Variants in EXT1 observed in about 807,000 individuals in gnomAD.
The protein encoded by EXT1 is exostosin-1.
Under a neutral mutation model 82.5 loss-of-function variants are expected in EXT1, and 20 were observed. The ratio of observed to expected loss-of-function variants is 0.24; its 90% CI spans 0.17 to 0.35. The LOEUF (loss-of-function observed/expected upper bound fraction) is 0.35. EXT1 is among the 10% of genes least tolerant of loss of function. The pLI is 1.00. For synonymous variants in EXT1, 348 were observed against 350.8 expected (o/e 0.99, Z 0.09); for missense variants, 757 against 936.5 (o/e 0.81, Z 2.50).
intron 1 of EXT1, among the ~76,000 whole-genome samples, chr8:118,014,988 A>G (rs1271031125): frequency 6.6e-6 from 1 of 152,246 alleles, no homozygotes; most frequent in Non-Finnish European, 1.5e-5. Context: ...ATTTGTGTCA[A>G]ATTGACATTC....
At chr8:118,056,852 G>A (rs758995032) in intron 1 of EXT1, among the ~76,000 whole-genome samples, 2 of 152,158 alleles carry the variant, frequency 1.3e-5, no homozygotes, top group Non-Finnish European at 1.5e-5. Context: ...GGGAATGAAG[G>A]GCCTGGTGGG....
At chr8:117,977,478 T>G (rs1053311139) in intron 1 of EXT1, among the ~76,000 whole-genome samples, 1 of 151,152 alleles carries the variant, frequency 6.6e-6, no homozygotes, top group African/African-American at 2.4e-5. Flanking sequence ...AAAGTGTTAG[T>G]AGGAAAAGAA....
At chr8:118,020,979 A>G (rs1373616335) in intron 1 of EXT1, among the ~76,000 whole-genome samples, 43 of 152,228 alleles carry the variant, frequency 2.8e-4, no homozygotes, top group Admixed American at 2.8e-3. Flanking sequence ...TAGCTTTTCA[A>G]TGATAAACTG....
At chr8:117,800,275 A>G (rs1164660045) in intron 10 of EXT1, among the ~76,000 whole-genome samples, 1 of 152,216 alleles carries the variant, frequency 6.6e-6, no homozygotes, top group African/African-American at 2.4e-5. Flanking sequence ...TCTGCTTTCA[A>G]AGAGTTTTCT....
chr8:118,058,648 A>G (rs985619406), intron 1 of EXT1, among the ~76,000 whole-genome samples: 1 of 152,202 alleles, frequency 6.6e-6, no homozygotes, highest in African/African-American at 2.4e-5. Context: ...CTTATATAGA[A>G]TACTTTTTCC....
chr8:117,994,479 T>C (rs1324286719), intron 1 of EXT1, among the ~76,000 whole-genome samples: 1 of 152,122 alleles, frequency 6.6e-6, no homozygotes, highest in Non-Finnish European at 1.5e-5. Context: ...GTCATGGTGA[T>C]ACACGTCTGT....
At chr8:118,073,637 G>GAGAA (rs1197827157) in intron 1 of EXT1, among the ~76,000 whole-genome samples, 2 of 30,176 alleles carry the variant, frequency 6.6e-5, no homozygotes, top group Admixed American at 3.8e-4. Flanking sequence ...AGAGAAAGAA[G>GAGAA]AGAAGAGAAG....
At chr8:117,844,808 C>T (rs1267969843) in intron 1 of EXT1, among the ~76,000 whole-genome samples, 2 of 152,096 alleles carry the variant, frequency 1.3e-5, no homozygotes, top group African/African-American at 4.8e-5. Context: ...TTGGCTGCAG[C>T]TTCAGGGATG....
Position 117,900,913 on chromosome 8 carries a change from T to C in EXT1, c.963-63712A>G, listed in dbSNP as rs142918654. Among the ~76,000 whole-genome samples the C allele has an allele frequency of 1.4e-4, 21 of 152,346 alleles. 2 individuals carry two copies. The highest frequency in any genetic ancestry group is 4.6e-4 in the African/African-American group (19 of 41,596). ...CTTTTCCTCAAGTAATCTTGGCACATCTAGGGTTCAAGCACTAAGAGCATT... is the reference window on the plus strand; with the variant it reads ...CTTTTCCTCAAGTAATCTTGGCACACCTAGGGTTCAAGCACTAAGAGCATT... On this transcript the variant is annotated intron_variant, in intron 1 of 10. Transcript: ENST00000378204.
chr8:118,073,623 G>GAGAA lies in EXT1; in HGVS notation c.962+36458_962+36461dup, dbSNP rs1482335832. Among the ~76,000 whole-genome samples the GAGAA allele has an allele frequency of 9.3e-3, 1,266 of 136,416 alleles. 12 individuals are homozygous for GAGAA. Among genetic ancestry groups the GAGAA allele is most frequent in the African/African-American group, 0.036 (1,161 of 31,820 alleles). 89.5% of individuals were successfully genotyped at this position (136,416 alleles called of 152,430 possible). Reference sequence around the variant, plus strand: ...CTACAGAGAGAGGAAAGGAAGAGAAGAGAAGAGAAAGAAGAGAAGAGAAGA... The same window carrying GAGAA: ...CTACAGAGAGAGGAAAGGAAGAGAAGAGAAAGAAGAGAAAGAAGAGAAGAGAAGA... On this transcript the variant is annotated intron_variant, in intron 1 of 10. Coordinates refer to ENST00000378204, the MANE Select transcript of EXT1 (RefSeq NM_000127.3).
At chr8:117,877,265 A>G (rs1812987206) in intron 1 of EXT1, among the ~76,000 whole-genome samples, 1 of 152,206 alleles carries the variant, frequency 6.6e-6, no homozygotes, top group Admixed American at 6.5e-5. Flanking sequence ...TTAATGAGGA[A>G]CCAGATGTAG....
At chr8:118,093,882 C>T (rs1817564010) in intron 1 of EXT1, among the ~76,000 whole-genome samples, 1 of 152,190 alleles carries the variant, frequency 6.6e-6, no homozygotes, top group Non-Finnish European at 1.5e-5. Context: ...CTGGGTCCTG[C>T]TGCTACTGAT....
chr8:117,850,859 A>T (rs1812441233), intron 1 of EXT1, among the ~76,000 whole-genome samples: 1 of 152,168 alleles, frequency 6.6e-6, no homozygotes, highest in Non-Finnish European at 1.5e-5. Flanking sequence ...GGCTTCCAAA[A>T]CACCCCAAGG....
At chr8:117,865,948 G>C (rs988893677) in intron 1 of EXT1, among the ~76,000 whole-genome samples, 4 of 152,220 alleles carry the variant, frequency 2.6e-5, no homozygotes, top group Admixed American at 2.0e-4. Context: ...AGTTAAGCCA[G>C]GAGCAGTGGC....
intron 1 of EXT1, among the ~76,000 whole-genome samples, chr8:117,845,082 CT>C (rs1407584484): frequency 6.6e-6 from 1 of 152,208 alleles, no homozygotes; most frequent in Non-Finnish European, 1.5e-5. Context: ...CACTTCTTGG[CT>C]TTCCACAGAA....
At chr8:117,830,520 G>A (rs149625148) in intron 3 of EXT1, among the ~76,000 whole-genome samples, 171 bp from the exon 4 acceptor site, 1 of 152,336 alleles carries the variant, frequency 6.6e-6, no homozygotes, top group African/African-American at 2.4e-5. Context: ...AGAAGTGTCA[G>A]CTGCAAAGAG....
intron 1 of EXT1, among the ~76,000 whole-genome samples, chr8:118,014,818 C>T (rs1815972210): frequency 2.0e-5 from 3 of 152,006 alleles, no homozygotes; most frequent in South Asian, 2.1e-4. Context: ...AACCTCAACC[C>T]CAGGCCCAAG....
intron 1 of EXT1, among the ~76,000 whole-genome samples, chr8:118,035,869 A>G (rs570918597): frequency 6.6e-6 from 1 of 152,230 alleles, no homozygotes; most frequent in South Asian, 2.1e-4. Flanking sequence ...ACTTTTCAAC[A>G]TGAGAAGTTA....
rs529830054 is a variant in EXT1, at chr8:118,086,307, A to G, written c.962+23778T>C. Among the ~76,000 whole-genome samples the G allele has an allele frequency of 6.6e-5, 10 of 152,302 alleles. No individual in the cohort carries two copies. The East Asian group carries it at 7.7e-4, about 12-fold the overall frequency. ...TGGACTTGGGAGCCTCTTTAGGTAA[A>G]CCATTTTAGGAGCAAGAGTACAGAA... On this transcript the variant is annotated intron_variant, in intron 1 of 10. Transcript: ENST00000378204.
Sources: allele counts gnomAD v4.1 joint callset (sites outside exome capture counted in the v4.1 genomes callset), GRCh38; gene constraint gnomAD v4.1.1; transcripts MANE v1.5; gene names NCBI Gene and HGNC (gene_info 2026-07-23, HGNC 2026-07-21).